ZNF276: variants seen among roughly 807,000 people sequenced by gnomAD.
ZNF276 encodes the protein centromere protein Z.
Under a neutral mutation model 63.9 loss-of-function variants are expected in ZNF276, and 59 were observed. That is an observed-to-expected ratio of 0.92 (90% CI 0.75 to 1.15). The LOEUF is 1.15. Among genes scored for constraint, ZNF276 ranks in the 50% most tolerant of loss-of-function variants. The probability of loss-of-function intolerance (pLI) is 0.00; values close to 1 mark genes in which losing one functional copy is unlikely to be tolerated. For missense variants in ZNF276, 1,084 were observed against 843.8 expected, an observed-to-expected ratio of 1.28 and a Z score of -3.53; for synonymous variants, 496 against 348.4, an observed-to-expected ratio of 1.42 and a Z score of -4.72.
chr16:89,734,440 C>G (rs1244415567), intron 9 of ZNF276, among the ~76,000 whole-genome samples: 1 of 152,202 alleles, frequency 6.6e-6, no homozygotes, highest in Non-Finnish European at 1.5e-5. Context: ...ATTCTCCCGC[C>G]TCAGCCTCCC....
At chr16:89,731,220 G>A (rs2061638545) in intron 6 of ZNF276, among the ~76,000 whole-genome samples, 2 of 152,250 alleles carry the variant, frequency 1.3e-5, no homozygotes, top group Non-Finnish European at 2.9e-5. Context: ...GAGAGAAGGC[G>A]CAGCCTGTGC....
chr16:89,735,380 A>T (rs547718166), intron 9 of ZNF276, among the ~76,000 whole-genome samples: 1 of 152,274 alleles, frequency 6.6e-6, no homozygotes, highest in South Asian at 2.1e-4. Context: ...CAGAATAAGA[A>T]TTATTTATTC....
intron 5 of ZNF276, 107 bp from the exon 6 acceptor site, chr16:89,729,128 A>C (rs1043697079): frequency 1.1e-6 from 1 of 893,368 alleles, no homozygotes; most frequent in African/African-American, 1.7e-5. Flanking sequence ...AGAAGAACTC[A>C]AATGTGGGAC....
At chr16:89,734,901 G>A (rs952975070) in intron 9 of ZNF276, among the ~76,000 whole-genome samples, 4 of 152,202 alleles carry the variant, frequency 2.6e-5, no homozygotes, top group East Asian at 1.9e-4. Flanking sequence ...GCTCACACCT[G>A]TAATCCCAGC....
chr16:89,722,857 C>G (rs748230241), intron 2 of ZNF276, 23 bp downstream of exon 2: 5 of 1,591,626 alleles, frequency 3.1e-6, no homozygotes, highest in Non-Finnish European at 4.3e-6. Flanking sequence ...CTGTTCAGAG[C>G]ACGTTCAGGC....
chr16:89,723,071 C>T, intron 2 of ZNF276, 66 bp from the exon 3 acceptor site: 2 of 1,611,986 alleles, frequency 1.2e-6, no homozygotes, highest in Non-Finnish European at 8.5e-7. Flanking sequence ...CGAGAGGGTC[C>T]CGTACGACGA....
At chr16:89,737,781 G>C (rs200396402) in intron 9 of ZNF276, 25 bp from the exon 10 acceptor site, 3 of 1,614,008 alleles carry the variant, frequency 1.9e-6, no homozygotes, top group African/African-American at 1.3e-5. Context: ...CAGGGGCCTG[G>C]ACTCACTGGA....
Position 89,729,269 on chromosome 16 carries a change from C to CA in ZNF276, c.1124dup (p.Asn375LysfsTer10). Reference sequence around the variant, plus strand: ...GAGTGAAGATGAAAATGACAAGAAGCAAAATGCCCAGTCTTCGGACGAGTC... The same window carrying CA: ...GAGTGAAGATGAAAATGACAAGAAGCAAAAATGCCCAGTCTTCGGACGAGTC... On this transcript the variant is annotated frameshift_variant, in exon 6 of 11. Transcript: ENST00000443381. LOFTEE classifies it high-confidence loss of function. The CA allele has an allele frequency of 1.9e-6, 3 of 1,614,132 alleles. No homozygotes were observed. The highest frequency in any genetic ancestry group is 2.5e-6 in the Non-Finnish European group (3 of 1,180,024).
intron 10 of ZNF276, 21 bp downstream of exon 10, chr16:89,737,926 C>T (rs2061998954): frequency 5.1e-6 from 8 of 1,571,134 alleles, no homozygotes; most frequent in Admixed American, 1.8e-5. Flanking sequence ...GTCAGGACCC[C>T]CTCCCAGGGC....
intron 1 of ZNF276, 23 bp from the exon 2 acceptor site, chr16:89,722,508 A>G (rs2061328356): frequency 6.3e-7 from 1 of 1,590,342 alleles, no homozygotes; most frequent in South Asian, 1.1e-5. Flanking sequence ...CCAGCTGCTA[A>G]CACTTCCTGC....
Position 89,722,852 on chromosome 16 carries a change from C to A in ZNF276, c.509+18C>A, listed in dbSNP as rs149113014. ...TGTGCAAAGTACGCCCTAGTCTGTT[C>A]AGAGCACGTTCAGGCTGTCAGTACT... On this transcript the variant is annotated intron_variant, in intron 2 of 10. Coordinates refer to ENST00000443381, the MANE Select transcript of ZNF276 (RefSeq NM_001113525.2). The A allele has an allele frequency of 1.9e-6, 3 of 1,595,214 alleles. No homozygotes were observed. The highest frequency in any genetic ancestry group is 4.5e-5 in the East Asian group (2 of 44,784).
At chr16:89,724,810 C>T (rs112342624) in intron 4 of ZNF276, among the ~76,000 whole-genome samples, 1,611 of 143,096 alleles carry the variant, frequency 0.011, 29 homozygotes, top group African/African-American at 0.037. Flanking sequence ...TTCTATCTAT[C>T]TGTGTATCTA....
chr16:89,735,883 T>G (rs1353522306), intron 9 of ZNF276, among the ~76,000 whole-genome samples: 1 of 96,154 alleles, frequency 1.0e-5, no homozygotes, highest in Non-Finnish European at 2.1e-5. Context: ...CCGGGGGTGT[T>G]TTTTTTTGTT....
rs750550844 is a variant in ZNF276 at position 89,733,314 on chromosome 16, G to A, written c.1182G>A (p.Lys394=). The stretch of plus-strand genomic sequence containing the variant: ...CTCTTTTTTTCAGAGTCTCTGGTAA[G>A]AAGAGTGAAAGCAAAGAAGCCAAGA... ...EPYPERKVSG[K]KSESKEAKKS... Residue 394 remains lysine, a synonymous_variant, in exon 7 of 11, where the codon AAG becomes AAA. Transcript: ENST00000443381. 6.2e-7 allele frequency: 1 copy of A among 1,613,908 alleles called. No individual in the cohort carries two copies. The highest frequency in any genetic ancestry group is 1.3e-5 in the African/African-American group (1 of 74,934).
intron 6 of ZNF276, chr16:89,731,990 C>T (rs147122772): frequency 6.6e-6 from 1 of 152,238 alleles, no homozygotes. Flanking sequence ...GTGAGAGAAT[C>T]CGTATCTTGT....
chr16:89,721,114 G>A (rs1475843839), upstream of ZNF276: 9 of 313,216 alleles, frequency 2.9e-5, no homozygotes, highest in Non-Finnish European at 4.6e-5. Context: ...CGGGGCTGGC[G>A]AGAAGGGCCC....
chr16:89,734,224 T>G (rs2061773746), intron 9 of ZNF276, among the ~76,000 whole-genome samples, 186 bp downstream of exon 9: 1 of 152,210 alleles, frequency 6.6e-6, no homozygotes. Flanking sequence ...GAATCTGCCC[T>G]TCCCTGTGAT....
At position 89,723,569 on chromosome 16, in the gene ZNF276, G is replaced by C. The variant is rs906156682; in HGVS notation, c.866G>C (p.Arg289Thr). 6.2e-7 allele frequency: 1 copy of C among 1,612,814 alleles called. No individual in the cohort carries two copies. Among genetic ancestry groups the C allele is most frequent in the Non-Finnish European group, 8.5e-7 (1 of 1,180,002 alleles). Residue 289 changes from arginine to threonine, a missense_variant, in exon 4 of 11, where the codon AGA becomes ACA. Coordinates refer to ENST00000443381, the MANE Select transcript of ZNF276 (RefSeq NM_001113525.2). ...PGDAPQTSQGRGTGTPVGAET... is the reference protein window; with the variant it reads ...PGDAPQTSQGTGTGTPVGAET... ...GATGCCCCTCAGACCTCCCAGGGTA[G>C]AGGGACAGGGACCCCAGTTGGGGCT...
chr16:89,736,064 C>T (rs2061868336), intron 9 of ZNF276, among the ~76,000 whole-genome samples: 1 of 150,996 alleles, frequency 6.6e-6, no homozygotes, highest in African/African-American at 2.4e-5. Context: ...ACTAATTTTT[C>T]GTATTTTCAG....
Sources: allele counts gnomAD v4.1 joint callset (sites outside exome capture counted in the v4.1 genomes callset), GRCh38; gene constraint gnomAD v4.1.1; transcripts MANE v1.5; gene names NCBI Gene and HGNC (gene_info 2026-07-23, HGNC 2026-07-21).